The following PREX2 variants were observed in gnomAD, a reference collection of about 807,000 sequenced individuals.
The protein encoded by PREX2 is phosphatidylinositol 3,4,5-trisphosphate-dependent Rac exchanger 2 protein.
PREX2 carries 107 observed loss-of-function variants against 203.2 expected under a neutral mutation model. The observed-to-expected ratio is 0.53, with a 90% CI of 0.45 to 0.62. The LOEUF (loss-of-function observed/expected upper bound fraction) is 0.62, where lower values mean the gene tolerates loss of function less well. Ranked by LOEUF, PREX2 falls within the 20% of genes least tolerant of loss-of-function variation. PREX2 has a pLI of 0.00. For synonymous variants in PREX2, 672 were observed against 663.6 expected, an observed-to-expected ratio of 1.01 and a Z score of -0.19; for missense variants, 1,777 against 1,955.9, an observed-to-expected ratio of 0.91 and a Z score of 1.72.
intron 23 of PREX2, chr8:68,105,270 C>G (rs1810376253): frequency 7.3e-7 from 1 of 1,367,848 alleles, no homozygotes; most frequent in Non-Finnish European, 9.8e-7. Flanking sequence ...GCCTCCTCCT[C>G]TCTTAGGAAT....
chr8:68,223,719 A>G (rs1436161194), intron 38 of PREX2, among the ~76,000 whole-genome samples: 6 of 152,214 alleles, frequency 3.9e-5, no homozygotes, highest in Admixed American at 3.9e-4. Flanking sequence ...CATGAACTTG[A>G]CAGACTGTGA....
chr8:68,090,485 A>G (rs1249719563), intron 19 of PREX2, 94 bp from the exon 20 acceptor site: 3 of 1,104,758 alleles, frequency 2.7e-6, no homozygotes, highest in Non-Finnish European at 3.8e-6. Context: ...GACTTTGATC[A>G]TATTTTAAAA....
chr8:68,078,585 A>G (rs754238612), intron 15 of PREX2, among the ~76,000 whole-genome samples: 12 of 152,228 alleles, frequency 7.9e-5, no homozygotes, highest in Non-Finnish European at 1.6e-4. Context: ...AGCAAAGGTT[A>G]CAGTGATTTT....
intron 37 of PREX2, among the ~76,000 whole-genome samples, chr8:68,215,940 TTA>T (rs1386868073): frequency 3.9e-5 from 6 of 152,208 alleles, no homozygotes; most frequent in Admixed American, 6.5e-5. Context: ...ATATGCATTG[TTA>T]TCGGACTCAC....
chr8:67,998,034 C>T (rs4570137), intron 1 of PREX2, among the ~76,000 whole-genome samples: 104,142 of 152,064 alleles, frequency 0.68, 35,887 homozygotes, highest in South Asian at 0.81. Context: ...ACTTACCCTT[C>T]TGCTGGGCTT....
chr8:68,105,303 T>A (rs746752638), intron 23 of PREX2: 1 of 1,367,780 alleles, frequency 7.3e-7, no homozygotes. Context: ...AAGACAGCAC[T>A]GCATTCCTGA....
At chr8:68,027,610 T>C (rs1807766403) in intron 5 of PREX2, among the ~76,000 whole-genome samples, 1 of 152,102 alleles carries the variant, frequency 6.6e-6, no homozygotes, top group Non-Finnish European at 1.5e-5. Flanking sequence ...ATTAAGTTCA[T>C]TATGACTAGT....
chr8:68,159,392 C>G (rs1811609610), intron 35 of PREX2, among the ~76,000 whole-genome samples: 1 of 152,100 alleles, frequency 6.6e-6, no homozygotes, highest in Non-Finnish European at 1.5e-5. Context: ...AGTGAATGGC[C>G]ATATAGTCTC....
intron 1 of PREX2, among the ~76,000 whole-genome samples, chr8:67,989,743 C>T (rs1806543232): frequency 6.6e-6 from 1 of 152,104 alleles, no homozygotes; most frequent in Non-Finnish European, 1.5e-5. Context: ...TCTGAAGACT[C>T]AAAATTATCC....
In PREX2 at chr8:68,017,121, CT is replaced by C. The variant is rs540101715; in HGVS notation, c.142-719del. ...CTCAATATAATGAAATTATTCTACTCTTTTTTAATTTGTGAAAATAATAGCC... is the reference window on the plus strand; with the variant it reads ...CTCAATATAATGAAATTATTCTACTCTTTTTAATTTGTGAAAATAATAGCC... On this transcript the variant is annotated intron_variant, in intron 1 of 39. Transcript: ENST00000288368. Among the ~76,000 whole-genome samples, 5 of 152,114 alleles carry C rather than the reference CT, an allele frequency of 3.3e-5. No homozygotes were observed. The South Asian group carries it at 1.0e-3, about 32-fold the overall frequency.
At chr8:68,182,204 G>C (rs1812098682) in intron 35 of PREX2, among the ~76,000 whole-genome samples, 1 of 152,108 alleles carries the variant, frequency 6.6e-6, no homozygotes, top group African/African-American at 2.4e-5. Context: ...TAAAATCTCA[G>C]TATAATAGCA....
At chr8:68,184,744 C>G (rs1202856252) in intron 35 of PREX2, among the ~76,000 whole-genome samples, 1 of 151,990 alleles carries the variant, frequency 6.6e-6, no homozygotes, top group Non-Finnish European at 1.5e-5. Flanking sequence ...TCCATCATGC[C>G]AAGAAACGGG....
At chr8:67,952,593 G>T in intron 1 of PREX2, 58 bp downstream of exon 1, 1 of 1,573,394 alleles carries the variant, frequency 6.4e-7, no homozygotes, top group Non-Finnish European at 8.6e-7. Context: ...GCGGGTCCCG[G>T]AGTGGCTGCG....
chr8:68,072,614 T>C (rs1809231494), intron 14 of PREX2, 44 bp downstream of exon 14: 1 of 1,070,040 alleles, frequency 9.3e-7, no homozygotes. Flanking sequence ...TTGCTGCTGC[T>C]TTAAACTCTG....
chr8:68,124,755 A>T (rs904193750), intron 30 of PREX2, among the ~76,000 whole-genome samples: 3 of 152,152 alleles, frequency 2.0e-5, no homozygotes, highest in Admixed American at 6.6e-5. Flanking sequence ...TCTGTAACTC[A>T]TGTCACAATA....
chr8:68,012,858 G>A (rs1025623795), intron 1 of PREX2, among the ~76,000 whole-genome samples: 2 of 152,108 alleles, frequency 1.3e-5, no homozygotes, highest in African/African-American at 4.8e-5. Flanking sequence ...TCACTACAAA[G>A]GTTTATTTTA....
chr8:68,007,996 G>T (rs555343064), intron 1 of PREX2, among the ~76,000 whole-genome samples: 14 of 152,264 alleles, frequency 9.2e-5, no homozygotes, highest in Admixed American at 3.3e-4. Flanking sequence ...TTACAAATAT[G>T]GAAGCTCTGC....
chr8:68,173,984 A>C (rs1438269413), intron 35 of PREX2, among the ~76,000 whole-genome samples: 7 of 152,208 alleles, frequency 4.6e-5, no homozygotes, highest in African/African-American at 1.7e-4. Context: ...TTATGGAAGC[A>C]AGATTGATTT....
rs576452409 is a variant in PREX2, at chr8:68,109,684, T to C, written c.3146+61T>C. The C allele has an allele frequency of 1.2e-5, 17 of 1,403,176 alleles. No individual in the cohort carries two copies. The East Asian group carries it at 1.4e-4, about 11-fold the overall frequency. 86.9% of individuals were successfully genotyped at this position (1,403,176 alleles called of 1,614,324 possible). On this transcript the variant is annotated intron_variant, in intron 25 of 39. Coordinates refer to ENST00000288368, the MANE Select transcript of PREX2 (RefSeq NM_024870.4). The stretch of plus-strand genomic sequence containing the variant: ...ATAAAATAGCCATAAAAATGTGGCT[T>C]AGAAAAATTCAATCATTCTCTCTTT...
Sources: gnomAD v4.1 joint callset for allele counts (sites outside exome capture counted in the v4.1 genomes callset) on GRCh38, gnomAD v4.1.1 for gene constraint, MANE v1.5 for transcripts, NCBI Gene and HGNC (gene_info 2026-07-23, HGNC 2026-07-21) for gene names.